The following ADAMTSL1 variants were observed in gnomAD, a reference collection of about 807,000 sequenced individuals.
The protein encoded by ADAMTSL1 is ADAMTS-like protein 1.
In ADAMTSL1, 126 loss-of-function variants were observed where a neutral mutation model predicts 201.8. The observed-to-expected ratio is 0.62, with a 90% CI of 0.54 to 0.72. ADAMTSL1 has a LOEUF of 0.72. Ranked by LOEUF, ADAMTSL1 falls within the 30% of genes least tolerant of loss-of-function variation. ADAMTSL1 has a pLI of 0.00. For missense variants in ADAMTSL1, 2,679 were observed against 2,277.8 expected (o/e 1.18, Z -3.59); for synonymous variants, 1,121 against 903.4 (o/e 1.24, Z -4.32).
intron 1 of ADAMTSL1, among the ~76,000 whole-genome samples, chr9:18,083,987 A>C (rs1823631415): frequency 6.6e-6 from 1 of 152,148 alleles, no homozygotes; most frequent in South Asian, 2.1e-4. Flanking sequence ...GCATCCTGAA[A>C]ACTAATGGAG....
chr9:18,123,823 C>T (rs1177973706), intron 1 of ADAMTSL1, among the ~76,000 whole-genome samples: 8 of 152,122 alleles, frequency 5.3e-5, no homozygotes, highest in Non-Finnish European at 1.2e-4. Flanking sequence ...TTTGCATATT[C>T]TGGACATTAG....
chr9:18,775,888 CCTG>C lies in ADAMTSL1; in HGVS notation c.2544_2546del (p.Cys849del). ...TCCATCAGGCCCTGTATGCTGGCAACCTGTGCAAGTAAGTATGTCAGGGCTCTG... is the reference window on the plus strand; with the variant it reads ...TCCATCAGGCCCTGTATGCTGGCAACTGCAAGTAAGTATGTCAGGGCTCTG... On this transcript the variant is annotated inframe_deletion, in exon 18 of 29. Coordinates refer to ENST00000380548, the MANE Select transcript of ADAMTSL1 (RefSeq NM_001040272.6). 1 of 1,593,774 alleles carries C rather than the reference CCTG, an allele frequency of 6.3e-7. No individual in the cohort carries two copies. Among genetic ancestry groups the C allele is most frequent in the Non-Finnish European group, 8.6e-7 (1 of 1,169,282 alleles).
At position 18,358,220 on chromosome 9, in the gene ADAMTSL1, T is replaced by C. The variant is rs527424948; in HGVS notation, c.208-146609T>C. 4.5e-4 allele frequency among the ~76,000 whole-genome samples: 68 copies of C among 152,332 alleles called. No homozygotes were observed. The South Asian group carries it at 0.013, about 28-fold the overall frequency. ...ACAGTGCCTGGAATAAGGGAGAGCT[T>C]AATGAATGCTAGTTAACTTCAGATC... On this transcript the variant is annotated intron_variant, in intron 2 of 29. Transcript: ENST00000680146.
intron 14 of ADAMTSL1, among the ~76,000 whole-genome samples, chr9:18,708,335 G>A (rs1832348205): frequency 2.0e-5 from 3 of 152,162 alleles, no homozygotes; most frequent in Admixed American, 2.0e-4. Flanking sequence ...TGAGGTTCTT[G>A]TTTGTTTCCA....
chr9:18,459,147 G>A (rs944346103), intron 2 of ADAMTSL1, among the ~76,000 whole-genome samples: 3 of 152,140 alleles, frequency 2.0e-5, no homozygotes, highest in Non-Finnish European at 4.4e-5. Flanking sequence ...ATAGTCCTAT[G>A]CACATGGATT....
chr9:18,860,307 T>C (rs1438231990), intron 23 of ADAMTSL1, among the ~76,000 whole-genome samples: 1 of 152,206 alleles, frequency 6.6e-6, no homozygotes, highest in African/African-American at 2.4e-5. Flanking sequence ...ACTCAAATGA[T>C]CTCATACCCT....
chr9:18,570,210 C>A (rs910569804), intron 3 of ADAMTSL1, among the ~76,000 whole-genome samples: 1 of 149,874 alleles, frequency 6.7e-6, no homozygotes, highest in African/African-American at 2.5e-5. Flanking sequence ...GGCGAGACCC[C>A]ATTCGCCACA....
At chr9:18,403,636 TA>T in intron 2 of ADAMTSL1, among the ~76,000 whole-genome samples, 1 of 152,280 alleles carries the variant, frequency 6.6e-6, no homozygotes, top group African/African-American at 2.4e-5. Flanking sequence ...ATGAATTAAT[TA>T]ATAATTTTGG....
At chr9:18,794,469 A>G (rs1054632583) in intron 19 of ADAMTSL1, among the ~76,000 whole-genome samples, 1 of 151,944 alleles carries the variant, frequency 6.6e-6, no homozygotes, top group Non-Finnish European at 1.5e-5. Context: ...CATAAGATTT[A>G]CAGCTAAATA....
chr9:18,474,708 G>A (rs1454358132), intron 1 of ADAMTSL1, among the ~76,000 whole-genome samples: 1 of 152,070 alleles, frequency 6.6e-6, no homozygotes, highest in Non-Finnish European at 1.5e-5. Flanking sequence ...TGCCCGTACC[G>A]CCTTTAATGA....
chr9:18,260,971 A>C (rs1250683898), intron 2 of ADAMTSL1, among the ~76,000 whole-genome samples: 1 of 144,480 alleles, frequency 6.9e-6, no homozygotes, highest in Non-Finnish European at 1.5e-5. Flanking sequence ...GTAAGTAGAG[A>C]TTCTGCTGTT....
chr9:18,166,172 C>T (rs11794779), intron 2 of ADAMTSL1, among the ~76,000 whole-genome samples: 5,263 of 151,940 alleles, frequency 0.035, 132 homozygotes, highest in Non-Finnish European at 0.056. Context: ...GTTTCACCTC[C>T]CCTACCAGAT....
chr9:18,426,825 T>C (rs2153418), intron 2 of ADAMTSL1, among the ~76,000 whole-genome samples: 35,262 of 152,162 alleles, frequency 0.23, 4,389 homozygotes, highest in East Asian at 0.45. Flanking sequence ...GCTCGTAATC[T>C]GAAACGAACA....
chr9:18,011,528 G>A (rs2131557321), intron 1 of ADAMTSL1, among the ~76,000 whole-genome samples: 3 of 152,092 alleles, frequency 2.0e-5, no homozygotes, highest in Admixed American at 2.0e-4. Context: ...GAAAGCAGGT[G>A]GAAGTGAAGT....
At chr9:17,977,701 A>C (rs543401178) in intron 1 of ADAMTSL1, among the ~76,000 whole-genome samples, 30 of 151,850 alleles carry the variant, frequency 2.0e-4, no homozygotes, top group African/African-American at 6.8e-4. Flanking sequence ...TTCTTAGTCT[A>C]CCTAAAGGTC....
At chr9:18,441,259 C>A (rs1356004988) in intron 2 of ADAMTSL1, among the ~76,000 whole-genome samples, 2 of 152,134 alleles carry the variant, frequency 1.3e-5, no homozygotes, top group Non-Finnish European at 2.9e-5. Flanking sequence ...AAAACCACTG[C>A]ATTGTACACT....
At chr9:18,428,208 G>A (rs1321371734) in intron 2 of ADAMTSL1, among the ~76,000 whole-genome samples, 1 of 152,132 alleles carries the variant, frequency 6.6e-6, no homozygotes, top group Non-Finnish European at 1.5e-5. Context: ...AGAGGAAACA[G>A]AATATTTGGA....
intron 2 of ADAMTSL1, among the ~76,000 whole-genome samples, chr9:18,167,081 C>A (rs1444210704): frequency 6.6e-6 from 1 of 151,916 alleles, no homozygotes; most frequent in African/African-American, 2.4e-5. Context: ...TGAAATTCTG[C>A]ATGTATATGA....
chr9:18,794,951 G>C (rs961236760), intron 19 of ADAMTSL1, among the ~76,000 whole-genome samples: 1 of 152,138 alleles, frequency 6.6e-6, no homozygotes, highest in Admixed American at 6.5e-5. Flanking sequence ...CAAGATGTCT[G>C]TCTTGATCTC....
Sources: allele counts gnomAD v4.1 joint callset (sites outside exome capture counted in the v4.1 genomes callset), GRCh38; gene constraint gnomAD v4.1.1; transcripts MANE v1.5; gene names NCBI Gene and HGNC (gene_info 2026-07-23, HGNC 2026-07-21).